Variants in CCSER1 observed in about 807,000 individuals in gnomAD.
The protein encoded by CCSER1 is serine-rich coiled-coil domain-containing protein 1.
Under a neutral mutation model 82.0 loss-of-function variants are expected in CCSER1, and 41 were observed. The observed-to-expected ratio is 0.50, with a 90% CI of 0.39 to 0.65. The LOEUF (loss-of-function observed/expected upper bound fraction) is 0.65. CCSER1 is among the 30% of genes least tolerant of loss of function. CCSER1 has a pLI of 0.00. For synonymous variants in CCSER1, 414 were observed against 383.9 expected (o/e 1.08, Z -0.92); for missense variants, 1,119 against 1,064.2 (o/e 1.05, Z -0.72).
intron 10 of CCSER1, among the ~76,000 whole-genome samples, chr4:91,284,869 A>G (rs1328828067): frequency 6.6e-6 from 1 of 152,134 alleles, no homozygotes; most frequent in Non-Finnish European, 1.5e-5. Flanking sequence ...ATTCACTGAG[A>G]AGGATCCGTG....
chr4:91,290,547 G>A (rs1194460241), intron 10 of CCSER1, among the ~76,000 whole-genome samples: 10 of 151,890 alleles, frequency 6.6e-5, no homozygotes, highest in Admixed American at 6.6e-4. Flanking sequence ...ACCCAGTATG[G>A]TACAGAGGAG....
chr4:91,421,019 C>G (rs1753654611), intron 10 of CCSER1, among the ~76,000 whole-genome samples: 1 of 152,046 alleles, frequency 6.6e-6, no homozygotes, highest in Non-Finnish European at 1.5e-5. Flanking sequence ...CTTACAGAAG[C>G]AGAGCGTAGA....
At chr4:90,735,629 A>T (rs1183834727) in intron 7 of CCSER1, among the ~76,000 whole-genome samples, 1 of 151,986 alleles carries the variant, frequency 6.6e-6, no homozygotes, top group Non-Finnish European at 1.5e-5. Context: ...TGGTAACTTT[A>T]AATTTATGTA....
At chr4:91,149,420 C>A (rs527323410) in intron 10 of CCSER1, among the ~76,000 whole-genome samples, 1 of 152,138 alleles carries the variant, frequency 6.6e-6, no homozygotes, top group East Asian at 1.9e-4. Context: ...TTCTCCCATT[C>A]TGTAGGTTGC....
chr4:90,880,343 ATCAC>A lies in CCSER1; in HGVS notation c.2095-43023_2095-43020del, dbSNP rs1721116398. On this transcript the variant is annotated intron_variant, in intron 8 of 10. Transcript: ENST00000509176. ...TCCACACCAGAGATACGGGTCAGTA[ATCAC>A]TCAGTGCAGTCAGCCCAGGATGGAG... Among the ~76,000 whole-genome samples, 4 of 152,228 alleles carry A rather than the reference ATCAC, an allele frequency of 2.6e-5. No homozygotes were observed. The South Asian group carries it at 8.3e-4, about 32-fold the overall frequency.
At position 90,762,775 on chromosome 4, in the gene CCSER1, G is replaced by A. The variant is rs73833791; in HGVS notation, c.2010+38784G>A. Among the ~76,000 whole-genome samples, 185 of 152,144 alleles carry A rather than the reference G, an allele frequency of 1.2e-3. 1 individual carries two copies. Among genetic ancestry groups the A allele is most frequent in the African/African-American group, 4.2e-3 (174 of 41,520 alleles). ...CTCCCAAATTATCATGCCTTAATCC[G>A]GGAGCCTGTGTATGTTACCTTACTT... On this transcript the variant is annotated intron_variant, in intron 7 of 10. Coordinates refer to ENST00000509176, the MANE Select transcript of CCSER1 (RefSeq NM_001145065.2).
intron 10 of CCSER1, among the ~76,000 whole-genome samples, chr4:91,331,036 T>C (rs1486595086): frequency 6.6e-6 from 1 of 152,116 alleles, no homozygotes; most frequent in Non-Finnish European, 1.5e-5. Context: ...ATAGTGTGTG[T>C]AGCGTTCAGT....
intron 6 of CCSER1, among the ~76,000 whole-genome samples, chr4:90,643,612 T>C (rs1171894837): frequency 6.6e-6 from 1 of 152,220 alleles, no homozygotes; most frequent in Non-Finnish European, 1.5e-5. Context: ...GTTGGACACA[T>C]AGCAAATGCT....
chr4:90,820,977 T>G (rs116599403), intron 8 of CCSER1, among the ~76,000 whole-genome samples: 3,325 of 152,234 alleles, frequency 0.022, 125 homozygotes, highest in African/African-American at 0.076. Context: ...ACCAGACTAC[T>G]TCTTTGGAAA....
At chr4:91,536,906 T>A (rs1242347823) in intron 10 of CCSER1, among the ~76,000 whole-genome samples, 1 of 152,088 alleles carries the variant, frequency 6.6e-6, no homozygotes, top group Non-Finnish European at 1.5e-5. Context: ...CAGGATTTTG[T>A]CCTGGAATCT....
intron 10 of CCSER1, among the ~76,000 whole-genome samples, chr4:91,259,520 C>G (rs1740942897): frequency 6.6e-6 from 1 of 151,962 alleles, no homozygotes. Flanking sequence ...TATACACGTG[C>G]CATGGTGGTT....
chr4:91,351,791 C>T (rs1210653346), intron 10 of CCSER1, among the ~76,000 whole-genome samples: 2 of 151,898 alleles, frequency 1.3e-5, no homozygotes, highest in Non-Finnish European at 2.9e-5. Flanking sequence ...AGAATGTCTT[C>T]TACCATTTCA....
At chr4:90,278,413 CAT>C (rs1417347076) in intron 1 of CCSER1, among the ~76,000 whole-genome samples, 1 of 151,522 alleles carries the variant, frequency 6.6e-6, no homozygotes, top group African/African-American at 2.4e-5. Flanking sequence ...ATACAAAAAA[CAT>C]AGAATCATCC....
intron 1 of CCSER1, among the ~76,000 whole-genome samples, chr4:90,213,682 T>G (rs1198289782): frequency 6.6e-6 from 1 of 152,154 alleles, no homozygotes; most frequent in Non-Finnish European, 1.5e-5. Context: ...CAGGAGAGTT[T>G]GTTGTACTCG....
chr4:90,620,896 C>G (rs191857316), intron 5 of CCSER1, among the ~76,000 whole-genome samples: 60 of 152,272 alleles, frequency 3.9e-4, no homozygotes, highest in African/African-American at 1.3e-3. Context: ...TCACTGCAAC[C>G]TCCACCTCCT....
At chr4:90,132,680 C>T (rs1723006835) in intron 1 of CCSER1, among the ~76,000 whole-genome samples, 1 of 152,060 alleles carries the variant, frequency 6.6e-6, no homozygotes. Context: ...TGATATATTA[C>T]AAATTGTTAA....
chr4:90,285,188 T>C (rs1212453198), intron 1 of CCSER1, among the ~76,000 whole-genome samples: 1 of 152,044 alleles, frequency 6.6e-6, no homozygotes, highest in Non-Finnish European at 1.5e-5. Context: ...AAGAATGTCA[T>C]TGGTGTTTTG....
intron 10 of CCSER1, among the ~76,000 whole-genome samples, chr4:91,393,624 T>G (rs1400354868): frequency 6.6e-6 from 1 of 152,144 alleles, no homozygotes; most frequent in African/African-American, 2.4e-5. Flanking sequence ...TGAGTGAGTG[T>G]GCTCTTGTAA....
intron 10 of CCSER1, among the ~76,000 whole-genome samples, chr4:91,324,884 G>T (rs1746442481): frequency 1.3e-5 from 2 of 152,146 alleles, no homozygotes; most frequent in Non-Finnish European, 2.9e-5. Context: ...GAGGGGCCAA[G>T]GGCAGAATAA....
Sources: allele counts gnomAD v4.1 joint callset (sites outside exome capture counted in the v4.1 genomes callset), GRCh38; gene constraint gnomAD v4.1.1; transcripts MANE v1.5; gene names NCBI Gene and HGNC (gene_info 2026-07-23, HGNC 2026-07-21).